The following IMMP2L variants were observed in gnomAD, a reference collection of about 807,000 sequenced individuals.
IMMP2L encodes mitochondrial inner membrane protease subunit 2.
Under a neutral mutation model 19.3 loss-of-function variants are expected in IMMP2L, and 18 were observed. That is an observed-to-expected ratio of 0.93 (90% CI 0.64 to 1.38). The LOEUF (loss-of-function observed/expected upper bound fraction) is 1.38. Ranked by LOEUF, IMMP2L falls within the 40% of genes most tolerant of loss-of-function variation. IMMP2L has a pLI of 0.00. For missense variants in IMMP2L, 233 were observed against 218.2 expected, an observed-to-expected ratio of 1.07 and a Z score of -0.43; for synonymous variants, 76 against 73.0, an observed-to-expected ratio of 1.04 and a Z score of -0.21.
At chr7:110,978,752 TA>T (rs138117471) in intron 3 of IMMP2L, among the ~76,000 whole-genome samples, 157 of 152,204 alleles carry the variant, frequency 1.0e-3, no homozygotes, top group Non-Finnish European at 2.0e-3. Context: ...CCAGTTTGAA[TA>T]CATTGATGAT....
rs564004262 is a variant in IMMP2L, at chr7:110,853,970, T to G, written c.408+32623A>C. ...TCTATGAAATGTAACACATAAATGCTGTTCTCAATTTAGACAGAATCATTT... is the reference window on the plus strand; with the variant it reads ...TCTATGAAATGTAACACATAAATGCGGTTCTCAATTTAGACAGAATCATTT... On this transcript the variant is annotated intron_variant, in intron 5 of 5. Transcript: ENST00000405709. 3.3e-5 allele frequency among the ~76,000 whole-genome samples: 5 copies of G among 152,094 alleles called. No homozygotes were observed. In the East Asian group the frequency reaches 7.7e-4, roughly 24 times the overall value.
intron 4 of IMMP2L, among the ~76,000 whole-genome samples, chr7:110,940,699 A>G (rs1816652111): frequency 6.6e-6 from 1 of 152,188 alleles, no homozygotes; most frequent in African/African-American, 2.4e-5. Context: ...AAGGTATGCA[A>G]ATGTATGTCA....
At chr7:111,189,138 C>A (rs1359819844) in intron 3 of IMMP2L, among the ~76,000 whole-genome samples, 1 of 152,070 alleles carries the variant, frequency 6.6e-6, no homozygotes, top group Non-Finnish European at 1.5e-5. Context: ...TAAGATAATT[C>A]ATGTATACTT....
chr7:110,824,407 A>C (rs1185567612), intron 5 of IMMP2L, among the ~76,000 whole-genome samples: 1 of 152,160 alleles, frequency 6.6e-6, no homozygotes, highest in Admixed American at 6.6e-5. Context: ...CTCTTTGTAT[A>C]GTTCTAGATA....
At chr7:111,103,010 G>T (rs1798145772) in intron 3 of IMMP2L, among the ~76,000 whole-genome samples, 1 of 151,334 alleles carries the variant, frequency 6.6e-6, no homozygotes, top group African/African-American at 2.4e-5. Context: ...ACAATAACAT[G>T]GTCTTTTTTA....
At chr7:111,398,409 G>A (rs942084540) in intron 3 of IMMP2L, among the ~76,000 whole-genome samples, 7 of 151,980 alleles carry the variant, frequency 4.6e-5, no homozygotes, top group Admixed American at 2.0e-4. Flanking sequence ...AGAAGTATTC[G>A]ACAAAATCCA....
At chr7:110,934,454 C>G (rs1815852609) in intron 4 of IMMP2L, among the ~76,000 whole-genome samples, 1 of 152,004 alleles carries the variant, frequency 6.6e-6, no homozygotes, top group Admixed American at 6.6e-5. Flanking sequence ...AATTTTCTCT[C>G]AAATCTTACT....
At chr7:111,295,446 C>T (rs1351219297) in intron 3 of IMMP2L, among the ~76,000 whole-genome samples, 2 of 151,786 alleles carry the variant, frequency 1.3e-5, no homozygotes, top group African/African-American at 4.8e-5. Flanking sequence ...AGTTTAGACA[C>T]AAGTTGAACA....
chr7:110,701,771 A>G (rs1794306747), intron 5 of IMMP2L, among the ~76,000 whole-genome samples: 1 of 152,160 alleles, frequency 6.6e-6, no homozygotes, highest in African/African-American at 2.4e-5. Context: ...AACTAGATTA[A>G]AGACACTAGA....
At chr7:111,336,660 C>A (rs377529387) in intron 3 of IMMP2L, among the ~76,000 whole-genome samples, 1 of 151,876 alleles carries the variant, frequency 6.6e-6, no homozygotes, top group South Asian at 2.1e-4. Context: ...TTTCATTCTG[C>A]CTATTTTGTT....
intron 3 of IMMP2L, among the ~76,000 whole-genome samples, chr7:111,026,229 T>C (rs1473976720): frequency 1.3e-5 from 2 of 152,260 alleles, no homozygotes; most frequent in Non-Finnish European, 2.9e-5. Context: ...CATTGTGTAA[T>C]TTTACTTTCA....
rs746752050 is a variant in IMMP2L at position 111,153,975 on chromosome 7, TGA to T, written c.240-190412_240-190411del. Among the ~76,000 whole-genome samples, 24 of 152,238 alleles carry T rather than the reference TGA, an allele frequency of 1.6e-4. No individual in the cohort carries two copies. The East Asian group carries it at 4.1e-3, about 26-fold the overall frequency. On this transcript the variant is annotated intron_variant, in intron 3 of 5. Coordinates refer to ENST00000405709, the MANE Select transcript of IMMP2L (RefSeq NM_032549.4). ...TTCCTTGGACTAGAAACTGCACTGCTGAGAGTCTTCACATTTCATCAAATTAT... is the reference window on the plus strand; with the variant it reads ...TTCCTTGGACTAGAAACTGCACTGCTGAGTCTTCACATTTCATCAAATTAT...
chr7:111,102,666 A>G (rs906546212), intron 3 of IMMP2L, among the ~76,000 whole-genome samples: 2 of 151,594 alleles, frequency 1.3e-5, no homozygotes, highest in African/African-American at 4.8e-5. Context: ...CCACAGAAAT[A>G]GCAAGTTTGA....
intron 3 of IMMP2L, among the ~76,000 whole-genome samples, chr7:111,075,855 G>A (rs1008113047): frequency 3.3e-5 from 5 of 151,936 alleles, no homozygotes; most frequent in South Asian, 2.1e-4. Flanking sequence ...CCATTATTTC[G>A]CTAAAAGGTA....
intron 5 of IMMP2L, among the ~76,000 whole-genome samples, chr7:110,759,076 T>C (rs1188747930): frequency 6.6e-6 from 1 of 152,128 alleles, no homozygotes; most frequent in African/African-American, 2.4e-5. Flanking sequence ...TAAATGCACG[T>C]TTAGTATTCT....
chr7:110,758,010 T>G lies in IMMP2L; in HGVS notation c.409-94289A>C, dbSNP rs1194709594. On this transcript the variant is annotated intron_variant, in intron 5 of 5. Coordinates refer to ENST00000405709, the MANE Select transcript of IMMP2L (RefSeq NM_032549.4). This position sits in a 1 kb window ranked among gnomAD's most constrained non-coding sequence, Gnocchi z 4.6. ...GTTTCATTCATTTAAAGCTTGAAAT[T>G]TCTACTAACCACCAAGTAAATATGA... Among the ~76,000 whole-genome samples, 2 of 152,102 alleles carry G rather than the reference T, an allele frequency of 1.3e-5. No individual in the cohort carries two copies. The highest frequency in any genetic ancestry group is 2.9e-5 in the Non-Finnish European group (2 of 68,014).
At chr7:110,768,900 G>A (rs1236057877) in intron 5 of IMMP2L, among the ~76,000 whole-genome samples, 1 of 152,228 alleles carries the variant, frequency 6.6e-6, no homozygotes, top group African/African-American at 2.4e-5. Context: ...CATATTTACT[G>A]AATAAATGAA....
chr7:111,535,863 G>A (rs1236263442), intron 1 of IMMP2L, among the ~76,000 whole-genome samples: 1 of 151,906 alleles, frequency 6.6e-6, no homozygotes, highest in Non-Finnish European at 1.5e-5. Context: ...GTAGCAATGA[G>A]TATATGTAGT....
Position 110,994,658 on chromosome 7 carries a change from T to G in IMMP2L, c.240-31093A>C, listed in dbSNP as rs1038921402. On this transcript the variant is annotated intron_variant, in intron 3 of 5. Coordinates refer to ENST00000405709, the MANE Select transcript of IMMP2L (RefSeq NM_032549.4). ...CCATGTCCCCTCCTACAACCACTTA[T>G]AGCTTAGCTGTCTGTGTGTGAGAGA... Among the ~76,000 whole-genome samples the G allele has an allele frequency of 3.9e-5, 6 of 152,174 alleles. No individual in the cohort carries two copies. The South Asian group carries it at 1.0e-3, about 26-fold the overall frequency.
Sources: gnomAD v4.1 joint callset for allele counts (sites outside exome capture counted in the v4.1 genomes callset) on GRCh38, gnomAD v4.1.1 for gene constraint, Gnocchi (gnomAD v3.1) non-coding constraint, MANE v1.5 for transcripts, NCBI Gene and HGNC (gene_info 2026-07-23, HGNC 2026-07-21) for gene names.